Variants in CSMD2 observed in about 807,000 individuals in gnomAD.
The protein encoded by CSMD2 is CUB and Sushi multiple domains 2.
Under a neutral mutation model 398.5 loss-of-function variants are expected in CSMD2, and 130 were observed. That is an observed-to-expected ratio of 0.33 (90% CI 0.28 to 0.38). The LOEUF (loss-of-function observed/expected upper bound fraction) is 0.38, where lower values mean the gene tolerates loss of function less well. Ranked by LOEUF, CSMD2 falls within the 10% of genes least tolerant of loss-of-function variation. The pLI is 1.00. For missense variants in CSMD2, 3,829 were observed against 4,764.9 expected (o/e 0.80, Z 5.78); for synonymous variants, 1,828 against 1,908.5 (o/e 0.96, Z 1.10).
intron 10 of CSMD2, among the ~76,000 whole-genome samples, chr1:33,797,694 A>G (rs1322603309): frequency 6.6e-6 from 1 of 152,172 alleles, no homozygotes; most frequent in African/African-American, 2.4e-5. Context: ...GTCAGGAAAC[A>G]GCTGCTGCAT....
chr1:33,962,289 G>A (rs528604441), intron 3 of CSMD2, among the ~76,000 whole-genome samples: 10 of 152,182 alleles, frequency 6.6e-5, no homozygotes, highest in Middle Eastern at 3.4e-3. Flanking sequence ...GAGGGGGAGC[G>A]AGTTCTATAT....
At chr1:33,844,637 C>T (rs2125073184) in intron 6 of CSMD2, among the ~76,000 whole-genome samples, 1 of 152,322 alleles carries the variant, frequency 6.6e-6, no homozygotes, top group South Asian at 2.1e-4. Context: ...GCTGCAAATC[C>T]TGGCTCCTAC....
chr1:34,042,507 A>G (rs1396283686), intron 2 of CSMD2, among the ~76,000 whole-genome samples: 1 of 152,176 alleles, frequency 6.6e-6, no homozygotes, highest in Non-Finnish European at 1.5e-5. Context: ...CTGCCCCAAA[A>G]TCTGGAGAAC....
In CSMD2 at chr1:33,600,955, T is replaced by C. The variant is rs749586244; in HGVS notation, c.6766A>G (p.Lys2256Glu). ...TTGGATGAACTCTGCACTGTTTTCT[T>C]GGCCATGCTCCGGGTGAAGACGCCG... is the stretch of plus-strand genomic sequence containing the variant. ...RLGVFTRSMA[K>E]KTVQSSSNQV... Residue 2256 changes from lysine to glutamate, a missense_variant, in exon 44 of 71, where the codon AAG becomes GAG. By Grantham distance (56) the Lys-to-Glu change is moderately conservative. Transcript: ENST00000373381. 3.7e-6 allele frequency: 6 copies of C among 1,614,154 alleles called. No individual in the cohort carries two copies. The South Asian group carries it at 6.6e-5, about 18-fold the overall frequency.
intron 3 of CSMD2, among the ~76,000 whole-genome samples, chr1:34,011,309 G>A (rs1269148456): frequency 6.6e-6 from 1 of 152,170 alleles, no homozygotes; most frequent in African/African-American, 2.4e-5. Context: ...TACATATAAA[G>A]GTGGGTTGGG....
At chr1:33,739,511 T>TA (rs1646990322) in intron 14 of CSMD2, among the ~76,000 whole-genome samples, 177 bp from the exon 15 acceptor site, 1 of 152,234 alleles carries the variant, frequency 6.6e-6, no homozygotes, top group African/African-American at 2.4e-5. Flanking sequence ...AGGTGCTCAT[T>TA]AAACTTGATT....
At chr1:34,066,845 C>G (rs1163162455) in intron 2 of CSMD2, among the ~76,000 whole-genome samples, 3 of 152,150 alleles carry the variant, frequency 2.0e-5, no homozygotes, top group African/African-American at 4.8e-5. Context: ...GTCTGCAGGA[C>G]AGACAGCACT....
chr1:33,843,839 TC>T (rs1661096876), intron 6 of CSMD2, among the ~76,000 whole-genome samples: 1 of 152,146 alleles, frequency 6.6e-6, no homozygotes, highest in African/African-American at 2.4e-5. Flanking sequence ...TGTGGTCCCC[TC>T]CTCCTGCACT....
chr1:33,820,849 C>A (rs1422000108), intron 7 of CSMD2, among the ~76,000 whole-genome samples: 5 of 152,172 alleles, frequency 3.3e-5, no homozygotes, highest in Non-Finnish European at 7.4e-5. Flanking sequence ...CCTCGTCCCA[C>A]ACCAGCAGCC....
intron 2 of CSMD2, among the ~76,000 whole-genome samples, chr1:34,044,198 A>C (rs1322945857): frequency 6.6e-6 from 1 of 152,214 alleles, no homozygotes; most frequent in African/African-American, 2.4e-5. Context: ...ATTTTTCTGG[A>C]AAGTACCAAA....
rs1402928545 is a variant in CSMD2, at chr1:34,164,970, G to A, written c.128C>T (p.Thr43Met). Residue 43 changes from threonine to methionine, a missense_variant, in exon 1 of 71, where the codon ACG (threonine) becomes ATG (methionine). By Grantham distance (81) the Thr-to-Met change is moderately conservative. This residue lies in a region of CSMD2 where 184 missense variants were observed against 217.7 expected (regional missense o/e 0.85). Coordinates refer to ENST00000373381, the MANE Select transcript of CSMD2 (RefSeq NM_001281956.2). This position sits in a 1 kb window ranked among gnomAD's most constrained non-coding sequence, Gnocchi z 6.2. The part of the protein sequence containing the change: ...GSRWGRPPPP[T>M]PPPLLLLLGC... ...CAGCAACAGCAGCAGAGGCGGCGGC[G>A]TTGGCGGCGGCGGGCGGCCCCAGCG... 5.8e-6 allele frequency: 7 copies of A among 1,215,690 alleles called. No individual in the cohort carries two copies. The highest frequency in any genetic ancestry group is 8.7e-5 in the Admixed American group (2 of 22,986). 75.3% of individuals were successfully genotyped at this position (1,215,690 alleles called of 1,614,324 possible).
At chr1:33,967,217 G>A (rs1422660039) in intron 3 of CSMD2, among the ~76,000 whole-genome samples, 1 of 150,700 alleles carries the variant, frequency 6.6e-6, no homozygotes, top group Non-Finnish European at 1.5e-5. Context: ...GGTCTGAAGA[G>A]GTCACCAAAA....
intron 48 of CSMD2, among the ~76,000 whole-genome samples, chr1:33,578,448 C>T (rs1336260513): frequency 3.3e-5 from 5 of 151,994 alleles, no homozygotes; most frequent in Admixed American, 6.6e-5. Flanking sequence ...CGTGGTGGTG[C>T]GTGCCCGTAG....
intron 31 of CSMD2, among the ~76,000 whole-genome samples, chr1:33,634,901 T>C (rs898371888): frequency 1.3e-5 from 2 of 152,074 alleles, no homozygotes; most frequent in African/African-American, 4.8e-5. Context: ...CTGCGGCACC[T>C]CCCTTAGGAC....
chr1:33,683,066 T>C (rs1644957839), intron 25 of CSMD2, among the ~76,000 whole-genome samples: 1 of 152,238 alleles, frequency 6.6e-6, no homozygotes, highest in Admixed American at 6.5e-5. Context: ...TTTGTCTACT[T>C]TTCATTACTT....
chr1:34,114,118 A>G (rs1661367280), intron 1 of CSMD2, among the ~76,000 whole-genome samples: 1 of 152,278 alleles, frequency 6.6e-6, no homozygotes, highest in Admixed American at 6.5e-5. Context: ...CACCAGAGGG[A>G]GCAAGAAATT....
In CSMD2 at chr1:33,557,860, G is replaced by A. The variant is rs148764689; in HGVS notation, c.8617C>T (p.Pro2873Ser). 8.8e-5 allele frequency: 135 copies of A among 1,536,128 alleles called. No individual in the cohort carries two copies. The East Asian group carries it at 2.7e-3, about 30-fold the overall frequency. ...GTGGTGCCGAAGCTGAACCTGTGCGGGCCGCTGGCGTGGACCTGACGAACA... is the reference window on the plus strand; with the variant it reads ...GTGGTGCCGAAGCTGAACCTGTGCGAGCCGCTGGCGTGGACCTGACGAACA... The part of the protein sequence containing the change: ...NSVRQVHASG[P>S]HRFSFGTTVS... The change falls in exon 55 of 71, where the codon CCG (proline) becomes TCG (serine). Residue 2873 changes from proline (P) to serine (S), a missense_variant. Transcript: ENST00000373381.
chr1:33,687,571 G>A (rs898597448), intron 25 of CSMD2, among the ~76,000 whole-genome samples: 1 of 151,976 alleles, frequency 6.6e-6, no homozygotes, highest in Non-Finnish European at 1.5e-5. Context: ...ATAAAAAAAA[G>A]CAATATAGAA....
chr1:34,044,231 G>C (rs567204578), intron 2 of CSMD2, among the ~76,000 whole-genome samples: 2 of 152,152 alleles, frequency 1.3e-5, no homozygotes, highest in Admixed American at 1.3e-4. Flanking sequence ...TTCAAAGCAT[G>C]TTTCTAGAAT....
Sources: gnomAD v4.1 joint callset for allele counts (sites outside exome capture counted in the v4.1 genomes callset) on GRCh38, gnomAD v4.1.1 for gene constraint, gnomAD v4.1.1 regional missense constraint, Gnocchi (gnomAD v3.1) non-coding constraint, MANE v1.5 for transcripts, NCBI Gene and HGNC (gene_info 2026-07-23, HGNC 2026-07-21) for gene names.